Variants in OPHN1 observed in about 807,000 individuals in gnomAD.
OPHN1 encodes the protein oligophrenin 1.
OPHN1 carries 11 observed loss-of-function variants against 60.7 expected under a neutral mutation model. The observed-to-expected ratio is 0.18, with a 90% CI of 0.11 to 0.30. OPHN1 has a LOEUF of 0.30. OPHN1 is among the 10% of genes least tolerant of loss of function. The pLI is 1.00. For synonymous variants in OPHN1, 226 were observed against 222.6 expected (o/e 1.02, Z -0.14); for missense variants, 449 against 611.0 (o/e 0.73, Z 2.80).
At chrX:68,118,438 A>G (rs1461468426) in intron 16 of OPHN1, among the ~76,000 whole-genome samples, 1 of 111,971 alleles carries the variant, frequency 8.9e-6, no homozygotes, top group Non-Finnish European at 1.9e-5. Context: ...TACAGTAGCA[A>G]AATATTTAAC....
intron 10 of OPHN1, among the ~76,000 whole-genome samples, chrX:68,205,461 T>TAATAAC (rs2077553960): frequency 9.1e-6 from 1 of 110,313 alleles, no homozygotes; most frequent in Non-Finnish European, 1.9e-5. Context: ...ATAATAATAA[T>TAATAAC]AATAATAACA....
intron 16 of OPHN1, among the ~76,000 whole-genome samples, chrX:68,117,477 A>G (rs1036172949): frequency 8.9e-6 from 1 of 112,258 alleles, no homozygotes; most frequent in African/African-American, 3.2e-5. Flanking sequence ...CCATATCTAT[A>G]CACAACTGTT....
chrX:68,072,165 A>C (rs1174067520), intron 20 of OPHN1, among the ~76,000 whole-genome samples: 2 of 112,322 alleles, frequency 1.8e-5, no homozygotes, highest in South Asian at 3.7e-4. Context: ...AGAAAGAGTC[A>C]GGCATCAAGT....
intron 3 of OPHN1, among the ~76,000 whole-genome samples, chrX:68,295,320 AG>A (rs1202979716): frequency 1.8e-5 from 2 of 112,457 alleles, no homozygotes; most frequent in African/African-American, 6.5e-5. Context: ...TGTTCCTAGT[AG>A]AATCAATAAC....
intron 15 of OPHN1, among the ~76,000 whole-genome samples, chrX:68,126,034 T>C (rs745818865): frequency 1.4e-4 from 14 of 99,867 alleles, no homozygotes; most frequent in Non-Finnish European, 6.0e-5. Context: ...TTAAAAATCC[T>C]TCATCATGAC....
At chrX:68,222,184 G>A (rs759230408) in intron 6 of OPHN1, among the ~76,000 whole-genome samples, 4,744 of 107,004 alleles carry the variant, frequency 0.044, 379 homozygotes, top group African/African-American at 0.16. Context: ...AAAAATGCTC[G>A]TCATCACTGG....
At chrX:68,234,231 G>A (rs962566223) in intron 6 of OPHN1, among the ~76,000 whole-genome samples, 1 of 110,809 alleles carries the variant, frequency 9.0e-6, no homozygotes, top group Non-Finnish European at 1.9e-5. Flanking sequence ...AGGGACTCTC[G>A]ACTCCTCTTC....
chrX:68,422,788 AGG>A lies in OPHN1; in HGVS notation c.154+10077_154+10078del, dbSNP rs1332440480. ...GGAAAGGGAAGAAAGAAAGAGAGAG[AGG>A]GAGGGAGGGAGGGAGGGAGGGAAAA... On this transcript the variant is annotated intron_variant, in intron 2 of 24. Transcript: ENST00000355520. 1.0e-2 allele frequency among the ~76,000 whole-genome samples: 735 copies of A among 73,793 alleles called. 17 individuals carry two copies. Among genetic ancestry groups the A allele is most frequent in the African/African-American group, 0.036 (696 of 19,292 alleles). The allele number at this position is 73,793 out of a possible 115,157, so 64.1% of individuals were successfully genotyped here. A position where few individuals can be genotyped will look rare whatever the true frequency, so the allele number is the denominator to read the frequency against.
At chrX:68,265,599 GAAACTCTA>G (rs2077919883) in intron 5 of OPHN1, among the ~76,000 whole-genome samples, 1 of 111,430 alleles carries the variant, frequency 9.0e-6, no homozygotes, top group Middle Eastern at 4.2e-3. Context: ...AGAAAAACTG[GAAACTCTA>G]AAACTCAGAG....
intron 15 of OPHN1, among the ~76,000 whole-genome samples, chrX:68,180,958 AT>A (rs200414705): frequency 0.13 from 13,923 of 110,769 alleles, 731 homozygotes; most frequent in African/African-American, 0.18. Context: ...ATTGAAAAAA[AT>A]ATATCACAAA....
At chrX:68,321,923 A>G (rs1020907575) in intron 2 of OPHN1, among the ~76,000 whole-genome samples, 6 of 107,156 alleles carry the variant, frequency 5.6e-5, no homozygotes, top group African/African-American at 1.7e-4. Flanking sequence ...CAAAATAAAG[A>G]AAAAAAAAAG....
At chrX:68,414,338 C>A (rs1302925835) in intron 2 of OPHN1, among the ~76,000 whole-genome samples, 1 of 111,606 alleles carries the variant, frequency 9.0e-6, no homozygotes, top group South Asian at 3.8e-4. Context: ...TCTGATCAGT[C>A]CCCACTTTAC....
At chrX:68,214,945 C>T (rs1358343992) in intron 6 of OPHN1, among the ~76,000 whole-genome samples, 3 of 111,324 alleles carry the variant, frequency 2.7e-5, no homozygotes, top group African/African-American at 6.5e-5. Flanking sequence ...TGCAGTGAGC[C>T]GAGATCGTGC....
intron 2 of OPHN1, among the ~76,000 whole-genome samples, chrX:68,374,966 C>CAAAGTGGCA (rs2078549039): frequency 8.9e-6 from 1 of 112,033 alleles, no homozygotes; most frequent in African/African-American, 3.2e-5. Flanking sequence ...AGTGGCCATA[C>CAAAGTGGCA]CATGTGCTGC....
At chrX:68,337,124 A>T (rs1334307189) in intron 2 of OPHN1, among the ~76,000 whole-genome samples, 1 of 111,020 alleles carries the variant, frequency 9.0e-6, no homozygotes, top group African/African-American at 3.3e-5. Context: ...AAATGAAAAG[A>T]ACCAGAAATT....
In OPHN1 at chrX:68,313,478, C is replaced by CTT. The variant is rs745558540; in HGVS notation, c.155-14384_155-14383dup. Among the ~76,000 whole-genome samples the CTT allele has an allele frequency of 9.8e-5, 11 of 111,942 alleles. No individual in the cohort carries two copies. The Admixed American group carries it at 1.0e-3, about 11-fold the overall frequency. ...ATACCACAAATGAGATCTAATCATT[C>CTT]TTTTTTTATGGCTGAATAGTACTCC... On this transcript the variant is annotated intron_variant, in intron 2 of 24. Coordinates refer to ENST00000355520, the MANE Select transcript of OPHN1 (RefSeq NM_002547.3).
At chrX:68,117,615 T>C (rs1239690158) in intron 16 of OPHN1, among the ~76,000 whole-genome samples, 1 of 111,712 alleles carries the variant, frequency 9.0e-6, no homozygotes, top group South Asian at 3.8e-4. Flanking sequence ...GCCAGTTGAA[T>C]GAGAGAGGAT....
intron 2 of OPHN1, among the ~76,000 whole-genome samples, chrX:68,314,133 T>G (rs2078186954): frequency 8.9e-6 from 1 of 111,948 alleles, no homozygotes; most frequent in Non-Finnish European, 1.9e-5. Flanking sequence ...AAAGGACAAA[T>G]TCCTTGTAAC....
intron 20 of OPHN1, chrX:68,070,869 A>G: frequency 8.5e-7 from 1 of 1,176,990 alleles, no homozygotes; most frequent in Non-Finnish European, 1.2e-6. Flanking sequence ...CAGAAGCCAC[A>G]GTGGCTTGGC....
Sources: allele counts gnomAD v4.1 joint callset (sites outside exome capture counted in the v4.1 genomes callset), GRCh38; gene constraint gnomAD v4.1.1; transcripts MANE v1.5; gene names NCBI Gene and HGNC (gene_info 2026-07-23, HGNC 2026-07-21).